Variants in WDR70 observed in about 807,000 individuals in gnomAD.
WDR70 encodes the protein WD repeat domain 70.
WDR70 carries 53 observed loss-of-function variants against 88.6 expected under a neutral mutation model. That is an observed-to-expected ratio of 0.60 (90% confidence interval 0.48 to 0.75). The LOEUF is 0.75. Ranked by LOEUF, WDR70 falls within the 30% of genes least tolerant of loss-of-function variation. The probability of loss-of-function intolerance (pLI) is 0.00; values close to 1 mark genes in which losing one functional copy is unlikely to be tolerated. For missense variants in WDR70, 610 were observed against 823.2 expected, an observed-to-expected ratio of 0.74 and a Z score of 3.17; for synonymous variants, 280 against 270.0, an observed-to-expected ratio of 1.04 and a Z score of -0.36.
chr5:37,439,942 A>G (rs755833248), intron 6 of WDR70, among the ~76,000 whole-genome samples: 3 of 152,114 alleles, frequency 2.0e-5, no homozygotes, highest in Admixed American at 1.3e-4. Flanking sequence ...CTCTTTCTGA[A>G]TGTGCACACA....
chr5:37,462,079 A>G (rs1262911873), intron 7 of WDR70, among the ~76,000 whole-genome samples: 6 of 151,966 alleles, frequency 3.9e-5, no homozygotes, highest in Admixed American at 2.6e-4. Context: ...CCTTTCATTT[A>G]TCCTGATTTA....
At chr5:37,623,959 G>T (rs553591608) in intron 10 of WDR70, among the ~76,000 whole-genome samples, 4 of 151,956 alleles carry the variant, frequency 2.6e-5, no homozygotes, top group Non-Finnish European at 5.9e-5. Flanking sequence ...TCACTTCACT[G>T]TTACGTTTTA....
intron 10 of WDR70, among the ~76,000 whole-genome samples, chr5:37,662,866 C>A (rs936919556): frequency 6.6e-6 from 1 of 152,128 alleles, no homozygotes; most frequent in Non-Finnish European, 1.5e-5. Context: ...GTTGAAAGGG[C>A]TACGTCAGTA....
chr5:37,675,413 A>G (rs906999349), intron 10 of WDR70, among the ~76,000 whole-genome samples: 13 of 152,010 alleles, frequency 8.6e-5, no homozygotes, highest in Non-Finnish European at 1.8e-4. Flanking sequence ...TTTTTGTATA[A>G]GGTGTAAGGA....
chr5:37,659,899 A>T (rs1023360093), intron 10 of WDR70, among the ~76,000 whole-genome samples: 3 of 152,218 alleles, frequency 2.0e-5, no homozygotes, highest in Non-Finnish European at 2.9e-5. Context: ...TAGAACTTCA[A>T]CATATGAATT....
At chr5:37,608,272 C>T (rs1292011782) in intron 10 of WDR70, among the ~76,000 whole-genome samples, 2 of 152,060 alleles carry the variant, frequency 1.3e-5, no homozygotes, top group African/African-American at 4.8e-5. Context: ...AAACTCCTGA[C>T]CTCGTGATCC....
At chr5:37,736,666 G>A (rs1289090219) in intron 17 of WDR70, among the ~76,000 whole-genome samples, 1 of 148,432 alleles carries the variant, frequency 6.7e-6, no homozygotes, top group Non-Finnish European at 1.5e-5. Flanking sequence ...TAAAAATGCA[G>A]ATTTCTGGAC....
intron 10 of WDR70, among the ~76,000 whole-genome samples, chr5:37,633,911 C>T (rs974747974): frequency 1.3e-5 from 2 of 152,084 alleles, no homozygotes; most frequent in Non-Finnish European, 2.9e-5. Context: ...TGATAGTGAT[C>T]GCCAGTTTGT....
chr5:37,425,244 C>G (rs1334431845), intron 5 of WDR70, among the ~76,000 whole-genome samples: 1 of 152,000 alleles, frequency 6.6e-6, no homozygotes, highest in African/African-American at 2.4e-5. Context: ...GAGTGAGACC[C>G]TATCTCAAAA....
At position 37,701,142 on chromosome 5, in the gene WDR70, T is replaced by C; in HGVS notation, c.1277T>C (p.Met426Thr). ...SASGLPTMFP[M>T]TDCCFSPDDK... is the part of the protein sequence containing the mutation. The stretch of plus-strand genomic sequence containing the variant: ...TCGGGTCTTCCCACCATGTTCCCAA[T>C]GTAAGTAGCATATTTTAAATATTTG... Residue 426 changes from methionine (M) to threonine (T), a missense_variant and splice_region_variant, in exon 12 of 18, where the codon ATG becomes ACG. Around this residue, in one of 4 missense-constraint regions of WDR70, gnomAD observed 254 missense variants for 300.7 expected, o/e 0.84. Transcript: ENST00000265107. 1 of 1,579,890 alleles carries C rather than the reference T, an allele frequency of 6.3e-7. No homozygotes were observed. Among genetic ancestry groups the C allele is most frequent in the Non-Finnish European group, 8.7e-7 (1 of 1,149,362 alleles).
intron 9 of WDR70, among the ~76,000 whole-genome samples, chr5:37,532,404 GGTTT>G (rs1741523881): frequency 6.6e-6 from 1 of 152,004 alleles, no homozygotes; most frequent in Non-Finnish European, 1.5e-5. Flanking sequence ...ATTATTTTTA[GGTTT>G]GTTTGTTTAA....
At chr5:37,432,694 C>A (rs372913642) in intron 5 of WDR70, among the ~76,000 whole-genome samples, 1 of 151,316 alleles carries the variant, frequency 6.6e-6, no homozygotes, top group South Asian at 2.1e-4. Flanking sequence ...CCGCGCCCGG[C>A]CTTTGAGCCA....
chr5:37,502,909 C>T (rs1740447912), intron 8 of WDR70, among the ~76,000 whole-genome samples: 1 of 152,274 alleles, frequency 6.6e-6, no homozygotes, highest in African/African-American at 2.4e-5. Context: ...GGATTCACCC[C>T]CATGATCCAA....
At chr5:37,516,725 A>ATATAT (rs1197472263) in intron 9 of WDR70, 135 bp downstream of exon 9, 15 of 128,062 alleles carry the variant, frequency 1.2e-4, no homozygotes, top group African/African-American at 3.2e-4. Flanking sequence ...ATATATATAT[A>ATATAT]TTTTTTTTTT....
At chr5:37,721,043 T>C (rs747715082) in intron 13 of WDR70, 72 bp from the exon 14 acceptor site, 39 of 1,311,546 alleles carry the variant, frequency 3.0e-5, no homozygotes, top group Admixed American at 2.2e-4. Flanking sequence ...AGACTAGCCA[T>C]CAAAGTACCA....
At chr5:37,641,754 C>G (rs890935157) in intron 10 of WDR70, among the ~76,000 whole-genome samples, 6 of 152,090 alleles carry the variant, frequency 3.9e-5, no homozygotes, top group Non-Finnish European at 8.8e-5. Context: ...CTCCTCCAGC[C>G]TATCCTGGCC....
intron 17 of WDR70, among the ~76,000 whole-genome samples, chr5:37,728,366 A>AC (rs1748050608): frequency 2.6e-4 from 2 of 7,766 alleles, no homozygotes; most frequent in African/African-American, 4.5e-4. Flanking sequence ...AAAAAAAACA[A>AC]AAAAAAAAAA....
intron 6 of WDR70, among the ~76,000 whole-genome samples, chr5:37,439,022 A>T (rs1750570353): frequency 6.6e-6 from 1 of 151,376 alleles, no homozygotes; most frequent in African/African-American, 2.4e-5. Flanking sequence ...GGTTCATGCC[A>T]TTCTCCTGCC....
chr5:37,647,475 T>A (rs1047752719), intron 10 of WDR70, among the ~76,000 whole-genome samples: 1 of 152,170 alleles, frequency 6.6e-6, no homozygotes, highest in African/African-American at 2.4e-5. Context: ...TTTATTGTAG[T>A]CTTGTAGTTT....
Sources: gnomAD v4.1 joint callset for allele counts (sites outside exome capture counted in the v4.1 genomes callset) on GRCh38, gnomAD v4.1.1 for gene constraint, gnomAD v4.1.1 regional missense constraint, MANE v1.5 for transcripts, NCBI Gene and HGNC (gene_info 2026-07-23, HGNC 2026-07-21) for gene names.